Variants in CYRIB observed in about 807,000 individuals in gnomAD.
CYRIB encodes CYFIP-related Rac1 interactor B.
In CYRIB, 8 loss-of-function variants were observed where a neutral mutation model predicts 44.2. The ratio of observed to expected loss-of-function variants is 0.18; its 90% CI spans 0.11 to 0.33. The LOEUF (loss-of-function observed/expected upper bound fraction) is 0.33. CYRIB is among the 10% of genes least tolerant of loss of function. The pLI, the probability that CYRIB is intolerant of heterozygous loss-of-function variation, is 1.00. For synonymous variants in CYRIB, 131 were observed against 127.2 expected (o/e 1.03, Z -0.20); for missense variants, 185 against 382.8 (o/e 0.48, Z 4.31).
chr8:129,856,234 C>G (rs2046158439), intron 5 of CYRIB, among the ~76,000 whole-genome samples: 1 of 152,136 alleles, frequency 6.6e-6, no homozygotes, highest in Non-Finnish European at 1.5e-5. Context: ...AAACTGTTTG[C>G]TTTCAGCTAC....
chr8:129,929,155 T>C (rs766284762), intron 1 of CYRIB, among the ~76,000 whole-genome samples: 2 of 151,768 alleles, frequency 1.3e-5, no homozygotes, highest in Admixed American at 6.6e-5. Context: ...ACAAATTAAA[T>C]GAAAGAAGCC....
chr8:129,957,691 C>T (rs976665095), intron 2 of CYRIB, among the ~76,000 whole-genome samples: 2 of 152,026 alleles, frequency 1.3e-5, no homozygotes, highest in Non-Finnish European at 2.9e-5. Flanking sequence ...AATTGGCCGG[C>T]GTGGTGGCAC....
Position 129,975,704 on chromosome 8 carries a change from G to C in CYRIB, c.-295-4709C>G, listed in dbSNP as rs1301257221. On this transcript the variant is annotated intron_variant, in intron 1 of 14. Transcript: ENST00000401979. The stretch of plus-strand genomic sequence containing the variant: ...CCCACTTAATAGGAAACAGACGAAG[G>C]AAAACAGGTGTTTTGCTTATTCTAC... Among the ~76,000 whole-genome samples, 6 of 152,312 alleles carry C rather than the reference G, an allele frequency of 3.9e-5. No individual in the cohort carries two copies. In the East Asian group the frequency reaches 1.2e-3, roughly 29 times the overall value.
intron 2 of CYRIB, among the ~76,000 whole-genome samples, chr8:129,901,943 T>C (rs1336897582): frequency 6.6e-6 from 1 of 152,248 alleles, no homozygotes; most frequent in African/African-American, 2.4e-5. Context: ...TTGTATTTAG[T>C]ATTTGTTAAT....
intron 2 of CYRIB, among the ~76,000 whole-genome samples, chr8:129,880,826 T>C (rs2060559693): frequency 6.6e-6 from 1 of 152,198 alleles, no homozygotes; most frequent in Admixed American, 6.5e-5. Context: ...TAGAAACCAT[T>C]TTTTTAAATA....
At chr8:130,008,014 G>T (rs1250166083) in intron 1 of CYRIB, among the ~76,000 whole-genome samples, 3 of 152,094 alleles carry the variant, frequency 2.0e-5, no homozygotes, top group Admixed American at 2.0e-4. Context: ...TTCAAGACTG[G>T]CCTGTCCAAC....
intron 1 of CYRIB, among the ~76,000 whole-genome samples, chr8:129,971,253 G>A (rs1439550256): frequency 6.6e-6 from 1 of 151,976 alleles, no homozygotes; most frequent in Non-Finnish European, 1.5e-5. Context: ...AAGCATGCCT[G>A]GCTAATATTT....
intron 2 of CYRIB, among the ~76,000 whole-genome samples, chr8:129,895,704 GTATT>G (rs1249532831): frequency 6.6e-6 from 1 of 151,978 alleles, no homozygotes; most frequent in Non-Finnish European, 1.5e-5. Flanking sequence ...ATTTATTTAT[GTATT>G]TATTTATTTA....
In CYRIB at chr8:129,960,557, C is replaced by T. The variant is rs767948314; in HGVS notation, c.-243+10386G>A. Among the ~76,000 whole-genome samples, 13 of 150,020 alleles carry T rather than the reference C, an allele frequency of 8.7e-5. No individual in the cohort carries two copies. The East Asian group carries it at 1.6e-3, about 18-fold the overall frequency. On this transcript the variant is annotated intron_variant, in intron 2 of 14. Coordinates refer to the CYRIB transcript ENST00000401979. ...GGCAGAGGTTGCAGTGAGCCAAGAT[C>T]GATCGCTTAAACCTGGGAGGCAGAG...
intron 2 of CYRIB, among the ~76,000 whole-genome samples, chr8:129,960,192 T>C (rs927647225): frequency 1.3e-5 from 2 of 152,226 alleles, no homozygotes; most frequent in African/African-American, 4.8e-5. Context: ...AGACTTTAAG[T>C]TCCCTGGGAG....
chr8:129,942,315 G>A (rs2093768241), upstream of CYRIB, among the ~76,000 whole-genome samples: 1 of 152,204 alleles, frequency 6.6e-6, no homozygotes. Flanking sequence ...CTCCAGCCTG[G>A]ATGACGAGCG....
At chr8:129,844,243 G>A (rs1326795703) in intron 11 of CYRIB, 1 of 152,174 alleles carries the variant, frequency 6.6e-6, no homozygotes, top group South Asian at 2.1e-4. Context: ...AGTGCTAAGT[G>A]TTTTCCTCTC....
chr8:129,903,744 ATTTC>A (rs1204601645), intron 1 of CYRIB, among the ~76,000 whole-genome samples: 1 of 152,226 alleles, frequency 6.6e-6, no homozygotes, highest in Non-Finnish European at 1.5e-5. Flanking sequence ...GCATATTTAT[ATTTC>A]TTATCACAGT....
intron 1 of CYRIB, among the ~76,000 whole-genome samples, chr8:129,906,474 T>C (rs989739159): frequency 2.6e-5 from 4 of 152,198 alleles, no homozygotes; most frequent in African/African-American, 7.2e-5. Context: ...AAGACTTACA[T>C]GTTAGCCCTA....
chr8:129,976,329 T>C (rs2095915106), intron 1 of CYRIB, among the ~76,000 whole-genome samples: 1 of 152,234 alleles, frequency 6.6e-6, no homozygotes. Flanking sequence ...ATAGCAAATA[T>C]GCAATAAACA....
chr8:129,994,858 C>T (rs191442507), intron 1 of CYRIB, among the ~76,000 whole-genome samples: 15 of 152,346 alleles, frequency 9.8e-5, no homozygotes, highest in African/African-American at 3.1e-4. Flanking sequence ...CGTCACAGGA[C>T]GTCTGCTGCA....
chr8:129,868,240 A>G (rs540207119), intron 4 of CYRIB, among the ~76,000 whole-genome samples: 1 of 152,208 alleles, frequency 6.6e-6, no homozygotes, highest in East Asian at 1.9e-4. Flanking sequence ...TTAAACCTGC[A>G]TCAACTTCTC....
intron 1 of CYRIB, among the ~76,000 whole-genome samples, chr8:130,002,388 G>A (rs557575164): frequency 6.6e-6 from 1 of 152,162 alleles, no homozygotes; most frequent in African/African-American, 2.4e-5. Context: ...CTGAGCCAGA[G>A]AGGTCGAGGC....
At chr8:130,007,551 G>A (rs903334775) in intron 1 of CYRIB, among the ~76,000 whole-genome samples, 4 of 152,250 alleles carry the variant, frequency 2.6e-5, no homozygotes, top group South Asian at 2.1e-4. Flanking sequence ...TTGGGAGGCC[G>A]AGGCAGGTGG....
Sources: allele counts gnomAD v4.1 joint callset (sites outside exome capture counted in the v4.1 genomes callset), GRCh38; gene constraint gnomAD v4.1.1; transcripts MANE v1.5; gene names NCBI Gene and HGNC (gene_info 2026-07-23, HGNC 2026-07-21).